Variants in CLTCL1 observed in about 807,000 individuals in gnomAD.
CLTCL1 encodes the protein clathrin heavy chain like 1.
Under a neutral mutation model 190.0 loss-of-function variants are expected in CLTCL1, and 159 were observed. The observed-to-expected ratio is 0.84, with a 90% confidence interval of 0.74 to 0.95. CLTCL1 has a LOEUF of 0.95. Ranked by LOEUF, CLTCL1 falls within the 40% of genes least tolerant of loss-of-function variation. The probability of loss-of-function intolerance (pLI) is 0.00; values close to 1 mark genes in which losing one functional copy is unlikely to be tolerated. For missense variants in CLTCL1, 1,878 were observed against 2,033.4 expected, an observed-to-expected ratio of 0.92 and a Z score of 1.47; for synonymous variants, 752 against 769.6, an observed-to-expected ratio of 0.98 and a Z score of 0.38.
chr22:19,276,503 T>C (rs2087509476), intron 1 of CLTCL1, among the ~76,000 whole-genome samples: 1 of 152,120 alleles, frequency 6.6e-6, no homozygotes, highest in South Asian at 2.1e-4. Flanking sequence ...TTATACGCAG[T>C]GCCTGGGCTA....
intron 1 of CLTCL1, among the ~76,000 whole-genome samples, chr22:19,276,736 C>G (rs1255202900): frequency 6.6e-6 from 1 of 152,138 alleles, no homozygotes; most frequent in Non-Finnish European, 1.5e-5. Context: ...GTGGTGCGAT[C>G]TCGGCTCACT....
At chr22:19,262,146 C>T (rs1308836563) in intron 2 of CLTCL1, among the ~76,000 whole-genome samples, 1 of 151,926 alleles carries the variant, frequency 6.6e-6, no homozygotes, top group Non-Finnish European at 1.5e-5. Flanking sequence ...CTGCCTCAGC[C>T]TCCCAAGTAG....
intron 19 of CLTCL1, among the ~76,000 whole-genome samples, chr22:19,211,595 G>A (rs923220338): frequency 2.0e-5 from 3 of 151,702 alleles, no homozygotes; most frequent in African/African-American, 7.3e-5. Flanking sequence ...GGTAAAGCCC[G>A]TCTCTACTAA....
At chr22:19,220,622 G>T (rs1555951779) in intron 17 of CLTCL1, among the ~76,000 whole-genome samples, 1 of 152,200 alleles carries the variant, frequency 6.6e-6, no homozygotes, top group Non-Finnish European at 1.5e-5. Context: ...TCCTGGTGAG[G>T]ATCAGATCTG....
intron 2 of CLTCL1, among the ~76,000 whole-genome samples, chr22:19,264,231 C>G (rs776661340): frequency 6.1e-5 from 9 of 147,582 alleles, no homozygotes; most frequent in African/African-American, 2.3e-4. Flanking sequence ...TCCAGGAGTT[C>G]GAAGTTACAG....
rs1555952120 is a variant in CLTCL1 at position 19,221,374 on chromosome 22, C to T, written c.2796+3G>A. On this transcript the variant is annotated splice_donor_region_variant and intron_variant, in intron 17 of 32. Coordinates refer to ENST00000427926, the MANE Select transcript of CLTCL1 (RefSeq NM_007098.4). ...TGGGCAGCTCAGCACATCTGCTACC[C>T]ACCTTGATGAGCTCAAGGTCACACT... The T allele has an allele frequency of 6.5e-7, 1 of 1,540,954 alleles. No individual in the cohort carries two copies. The highest frequency in any genetic ancestry group is 8.8e-7 in the Non-Finnish European group (1 of 1,139,170).
chr22:19,273,778 G>A (rs146193906), intron 2 of CLTCL1, among the ~76,000 whole-genome samples: 3 of 152,156 alleles, frequency 2.0e-5, no homozygotes, highest in Admixed American at 1.3e-4. Context: ...GCAAACCCCT[G>A]CTTCCTTAGA....
intron 3 of CLTCL1, among the ~76,000 whole-genome samples, chr22:19,252,120 T>C (rs1042035321): frequency 6.6e-6 from 1 of 152,244 alleles, no homozygotes; most frequent in Admixed American, 6.5e-5. Context: ...ATGTCTCTAT[T>C]CCAGAACAGA....
At chr22:19,207,543 A>G in intron 22 of CLTCL1, 1 of 402,528 alleles carries the variant, frequency 2.5e-6, no homozygotes, top group Non-Finnish European at 4.4e-6. Flanking sequence ...GCTTCTCATG[A>G]TCTTTATCTG....
chr22:19,209,095 C>A lies in CLTCL1; in HGVS notation c.3269G>T (p.Gly1090Val). ...SAIQVLIEHI[G>V]NLDRAYEFAE... ...AAACTCATATGCCCGGTCCAGGTTT[C>A]CAATGTGCTCGATCAGGACCTAGGG... Residue 1090 changes from glycine to valine, a missense_variant, in exon 21 of 33, where the codon GGA becomes GTA. Coordinates refer to ENST00000427926, the MANE Select transcript of CLTCL1 (RefSeq NM_007098.4). The A allele has an allele frequency of 6.2e-7, 1 of 1,605,380 alleles. No homozygotes were observed. Among genetic ancestry groups the A allele is most frequent in the African/African-American group, 1.3e-5 (1 of 74,828 alleles).
intron 6 of CLTCL1, 143 bp downstream of exon 6, chr22:19,235,553 T>C: frequency 1.4e-6 from 1 of 737,840 alleles, no homozygotes; most frequent in Non-Finnish European, 2.3e-6. Context: ...AGTGTCAATA[T>C]GAAGGAGGAG....
rs374541368 is a variant in CLTCL1 at position 19,241,046 on chromosome 22, G to A, written c.682-1658C>T. Among the ~76,000 whole-genome samples, 11 of 152,304 alleles carry A rather than the reference G, an allele frequency of 7.2e-5. 1 individual carries two copies. The highest frequency in any genetic ancestry group is 6.8e-3 in the Middle Eastern group (2 of 294). On this transcript the variant is annotated intron_variant, in intron 4 of 32. Coordinates refer to ENST00000427926, the MANE Select transcript of CLTCL1 (RefSeq NM_007098.4). ...AGGACCCCACACCCACCCTGCAGCC[G>A]GGAGGACCGAGTCTGCCACAAGACA...
chr22:19,242,366 T>A (rs2086282828), intron 4 of CLTCL1, among the ~76,000 whole-genome samples: 1 of 151,942 alleles, frequency 6.6e-6, no homozygotes, highest in African/African-American at 2.4e-5. Context: ...CTCGACTCAC[T>A]GCAACCTCTG....
chr22:19,193,260 G>T (rs898012053), intron 26 of CLTCL1, among the ~76,000 whole-genome samples: 1 of 152,238 alleles, frequency 6.6e-6, no homozygotes, highest in Admixed American at 6.5e-5. Flanking sequence ...ACAGGTCCAT[G>T]CAGCATGGCC....
intron 4 of CLTCL1, among the ~76,000 whole-genome samples, chr22:19,242,101 C>G (rs1601623217): frequency 6.6e-6 from 1 of 151,748 alleles, no homozygotes; most frequent in South Asian, 2.1e-4. Context: ...CACAGCCAGG[C>G]CCGGCTAATT....
chr22:19,225,365 G>A, intron 13 of CLTCL1, 88 bp downstream of exon 13: 2 of 1,377,618 alleles, frequency 1.5e-6, no homozygotes, highest in Non-Finnish European at 1.9e-6. Context: ...TTGCAGGAAG[G>A]CCGTCTTAAG....
chr22:19,193,293 A>G (rs2084577277), intron 26 of CLTCL1, among the ~76,000 whole-genome samples: 1 of 152,240 alleles, frequency 6.6e-6, no homozygotes, highest in Admixed American at 6.5e-5. Context: ...AAGGTGGAGT[A>G]TAACTGCCAT....
chr22:19,254,240 A>G lies in CLTCL1; in HGVS notation c.251-13T>C. ...AGTGTCTTCCCAGCTAGTATTTGAT[A>G]TAATAGAGATTAGAGAAAGACAAAT... On this transcript the variant is annotated splice_polypyrimidine_tract_variant and intron_variant, in intron 2 of 32. Transcript: ENST00000427926. 1 of 1,593,320 alleles carries G rather than the reference A, an allele frequency of 6.3e-7. No homozygotes were observed. Among genetic ancestry groups the G allele is most frequent in the Non-Finnish European group, 8.6e-7 (1 of 1,164,164 alleles).
chr22:19,191,379 T>A lies in CLTCL1; in HGVS notation c.4248A>T (p.Pro1416=), dbSNP rs1402580729. Residue 1416 remains proline (P), a synonymous_variant, in exon 27 of 33, where the codon CCA becomes CCT. Transcript: ENST00000427926. The part of the protein sequence containing the change: ...RALQFYLDYK[P]LLINDLLLVL... ...CCAGCAGCAGGTCATTGATGAGCAGTGGTTTGTAATCCAAATAGAACTGCA... is the reference window on the plus strand; with the variant it reads ...CCAGCAGCAGGTCATTGATGAGCAGAGGTTTGTAATCCAAATAGAACTGCA... The A allele has an allele frequency of 4.3e-6, 7 of 1,613,882 alleles. No homozygotes were observed. The African/African-American group carries it at 8.0e-5, about 18-fold the overall frequency.
Sources: allele counts gnomAD v4.1 joint callset (sites outside exome capture counted in the v4.1 genomes callset), GRCh38; gene constraint gnomAD v4.1.1; transcripts MANE v1.5; gene names NCBI Gene and HGNC (gene_info 2026-07-23, HGNC 2026-07-21).